NR4A1: variants seen among roughly 807,000 people sequenced by gnomAD.
NR4A1 encodes nuclear receptor subfamily 4 group A member 1, also known as nuclear receptor subfamily 4immunitygroup A member 1.
In NR4A1, 24 loss-of-function variants were observed where a neutral mutation model predicts 47.5. That is an observed-to-expected ratio of 0.50 (90% CI 0.37 to 0.71). The LOEUF (loss-of-function observed/expected upper bound fraction) is 0.71. Ranked by LOEUF, NR4A1 falls within the 30% of genes least tolerant of loss-of-function variation. NR4A1 has a pLI of 0.00. For missense variants in NR4A1, 669 were observed against 788.6 expected (o/e 0.85, Z 1.82); for synonymous variants, 353 against 345.7 (o/e 1.02, Z -0.24).
chr12:52,038,151 G>A (rs1469842903), intron 1 of NR4A1: 7 of 836,556 alleles, frequency 8.4e-6, no homozygotes, highest in Admixed American at 6.5e-5. Flanking sequence ...TGCAATCTCC[G>A]TCTCCCGGGT....
intron 1 of NR4A1, among the ~76,000 whole-genome samples, chr12:52,023,507 G>A (rs1345198500): frequency 2.0e-5 from 3 of 152,064 alleles, no homozygotes; most frequent in Non-Finnish European, 2.9e-5. Context: ...AAGTCCTGGC[G>A]CCGTAGCGCA....
intron 1 of NR4A1, chr12:52,053,954 C>T (rs1939107577): frequency 4.3e-6 from 1 of 232,670 alleles, no homozygotes; most frequent in Non-Finnish European, 8.4e-6. Context: ...TCACCCTTCT[C>T]CCGGCCCCCA....
chr12:52,031,172 G>C (rs974488023), intron 1 of NR4A1, among the ~76,000 whole-genome samples: 7 of 151,980 alleles, frequency 4.6e-5, no homozygotes, highest in African/African-American at 1.7e-4. Flanking sequence ...GTAACACCAA[G>C]CAGGCTATTT....
upstream of NR4A1, among the ~76,000 whole-genome samples, chr12:52,051,143 G>A (rs1308323076): frequency 6.6e-6 from 1 of 152,364 alleles, no homozygotes; most frequent in Admixed American, 6.5e-5. Flanking sequence ...CCTGGGAGCT[G>A]CTATTTTTAG....
rs752328458 is a variant in NR4A1 at position 52,054,653 on chromosome 12, T to G, written c.325T>G (p.Tyr109Asp). ...CTTCAAGTTCGAGGACTTCCAGGTG[T>G]ACGGCTGCTACCCCGGCCCCCTGAG... ...ASFKFEDFQV[Y>D]GCYPGPLSGP... Residue 109 changes from tyrosine (Y) to aspartate (D), a missense_variant, in exon 2 of 7, where the codon TAC becomes GAC. Tyr to Asp is a radical substitution (Grantham distance 160). Coordinates refer to ENST00000394825, the MANE Select transcript of NR4A1 (RefSeq NM_173157.3). The G allele has an allele frequency of 3.7e-6, 6 of 1,614,016 alleles. No homozygotes were observed. The highest frequency in any genetic ancestry group is 5.1e-6 in the Non-Finnish European group (6 of 1,180,034).
At chr12:52,040,107 C>G (rs1252541126) in intron 1 of NR4A1, among the ~76,000 whole-genome samples, 1 of 152,312 alleles carries the variant, frequency 6.6e-6, no homozygotes, top group Admixed American at 6.5e-5. Context: ...CATCCCTTAT[C>G]AGCTCCTGGG....
At chr12:52,046,209 CCT>C (rs894124950) in intron 2 of NR4A1, among the ~76,000 whole-genome samples, 2 of 152,166 alleles carry the variant, frequency 1.3e-5, no homozygotes, top group African/African-American at 2.4e-5. Context: ...TCCTTCATCC[CCT>C]GTTTACCCAT....
At chr12:52,052,791 C>T in intron 1 of NR4A1, 1 of 457,316 alleles carries the variant, frequency 2.2e-6, no homozygotes, top group Non-Finnish European at 2.9e-6. Context: ...TGCTGTCTTT[C>T]CTCCTTCACC....
In NR4A1 at chr12:52,054,344, G is replaced by A. The variant is rs199744709; in HGVS notation, c.16G>A (p.Ala6Thr). Residue 6 changes from alanine (A) to threonine (T), a missense_variant, in exon 2 of 7, where the codon GCC becomes ACC. Ala to Thr is a moderately conservative substitution (Grantham distance 58). Coordinates refer to ENST00000394825, the MANE Select transcript of NR4A1 (RefSeq NM_173157.3). ...CTCTCCAGAGATGCCCTGTATCCAA[G>A]CCCAATATGGGACACCAGCACCGAG... MPCIQ[A>T]QYGTPAPSPG... 5.6e-6 allele frequency: 9 copies of A among 1,610,540 alleles called. No individual in the cohort carries two copies. In the African/African-American group the frequency reaches 1.1e-4, roughly 19 times the overall value.
intron 1 of NR4A1, among the ~76,000 whole-genome samples, chr12:52,025,931 C>T (rs1221842792): frequency 6.6e-6 from 1 of 152,248 alleles, no homozygotes; most frequent in Non-Finnish European, 1.5e-5. Context: ...AATGTGGGCG[C>T]TCCCACAGCT....
chr12:52,049,805 A>C (rs1048855081), upstream of NR4A1, among the ~76,000 whole-genome samples: 1 of 152,160 alleles, frequency 6.6e-6, no homozygotes, highest in African/African-American at 2.4e-5. Context: ...AGAAATGACA[A>C]GTTCTGTCTG....
intron 1 of NR4A1, among the ~76,000 whole-genome samples, chr12:52,023,688 A>G (rs1937937244): frequency 6.8e-6 from 1 of 147,944 alleles, no homozygotes; most frequent in Non-Finnish European, 1.5e-5. Context: ...GCCCCGGCCC[A>G]GCCCCTCCCC....
upstream of NR4A1, among the ~76,000 whole-genome samples, chr12:52,049,367 CAGTG>C (rs1345237770): frequency 6.6e-6 from 1 of 152,188 alleles, no homozygotes; most frequent in African/African-American, 2.4e-5. Flanking sequence ...CTGTGGTGGA[CAGTG>C]AGGCTTTAGA....
At chr12:52,046,381 G>A (rs1938641828) in intron 2 of NR4A1, among the ~76,000 whole-genome samples, 1 of 152,180 alleles carries the variant, frequency 6.6e-6, no homozygotes, top group Non-Finnish European at 1.5e-5. Context: ...ACTGGTCGGT[G>A]AGGGATGGGT....
intron 2 of NR4A1, among the ~76,000 whole-genome samples, chr12:52,042,451 G>A (rs557599115): frequency 6.6e-6 from 1 of 152,162 alleles, no homozygotes; most frequent in African/African-American, 2.4e-5. Flanking sequence ...GGAGTCTGTG[G>A]TGTCGGGGGT....
chr12:52,032,599 G>A (rs1938149639), intron 1 of NR4A1, among the ~76,000 whole-genome samples: 1 of 152,186 alleles, frequency 6.6e-6, no homozygotes, highest in African/African-American at 2.4e-5. Flanking sequence ...GTCAGCCCGG[G>A]GACAGGAGCT....
chr12:52,038,648 C>T (rs998352570), intron 1 of NR4A1: 1 of 739,576 alleles, frequency 1.4e-6, no homozygotes, highest in African/African-American at 1.7e-5. Flanking sequence ...AGATCAGTGA[C>T]TTGGATGGAG....
At chr12:52,049,322 G>T (rs1263637832), upstream of NR4A1, among the ~76,000 whole-genome samples, 2 of 152,224 alleles carry the variant, frequency 1.3e-5, no homozygotes, top group Admixed American at 6.5e-5. Context: ...CAAACGTGTT[G>T]TTCAAGGGTC....
At chr12:52,055,338 C>A in intron 2 of NR4A1, 134 bp downstream of exon 2, 1 of 1,198,626 alleles carries the variant, frequency 8.3e-7, no homozygotes, top group Non-Finnish European at 1.2e-6. Context: ...TCAGCCCTGC[C>A]AGGTGGGCCG....
Sources: allele counts gnomAD v4.1 joint callset (sites outside exome capture counted in the v4.1 genomes callset), GRCh38; gene constraint gnomAD v4.1.1; transcripts MANE v1.5; gene names NCBI Gene and HGNC (gene_info 2026-07-23, HGNC 2026-07-21).